The following RANBP9 variants were observed in gnomAD, a reference collection of about 807,000 sequenced individuals.
The protein encoded by RANBP9 is ran-binding protein 9.
In RANBP9, 15 loss-of-function variants were observed where a neutral mutation model predicts 84.3. The ratio of observed to expected loss-of-function variants is 0.18; its 90% confidence interval spans 0.12 to 0.27. RANBP9 has a LOEUF of 0.27. RANBP9 is among the 10% of genes least tolerant of loss of function. The probability of loss-of-function intolerance (pLI) is 1.00; values close to 1 mark genes in which losing one functional copy is unlikely to be tolerated. For synonymous variants in RANBP9, 392 were observed against 349.6 expected, an observed-to-expected ratio of 1.12 and a Z score of -1.35; for missense variants, 809 against 912.8, an observed-to-expected ratio of 0.89 and a Z score of 1.46.
intron 10 of RANBP9, 128 bp from the exon 11 acceptor site, chr6:13,634,680 A>C (rs927136926): frequency 6.4e-6 from 6 of 938,034 alleles, no homozygotes; most frequent in Non-Finnish European, 9.0e-6. Context: ...TCTGCAAAAA[A>C]GGTATTTAGT....
chr6:13,682,158 G>A (rs1188500780), intron 2 of RANBP9, among the ~76,000 whole-genome samples: 1 of 151,688 alleles, frequency 6.6e-6, no homozygotes, highest in African/African-American at 2.4e-5. Flanking sequence ...CACCGCACCT[G>A]GGCCAAGTGC....
intron 2 of RANBP9, among the ~76,000 whole-genome samples, chr6:13,694,148 C>A (rs921299152): frequency 6.6e-6 from 1 of 152,198 alleles, no homozygotes; most frequent in South Asian, 2.1e-4. Context: ...ATACACTTAA[C>A]TACAATCCAG....
chr6:13,669,298 C>A (rs556685458), intron 2 of RANBP9, among the ~76,000 whole-genome samples: 2 of 152,278 alleles, frequency 1.3e-5, no homozygotes, highest in East Asian at 3.9e-4. Context: ...AATAGCAATA[C>A]TCCCCAAATT....
chr6:13,661,025 CA>C (rs1336943294), intron 2 of RANBP9, among the ~76,000 whole-genome samples: 1 of 152,160 alleles, frequency 6.6e-6, no homozygotes, highest in Non-Finnish European at 1.5e-5. Context: ...TCTGGGTAAA[CA>C]AGGACTAAAA....
rs141234624 is a variant in RANBP9 at position 13,657,292 on chromosome 6, C to T, written c.737-16G>A. ...TTATCCCAACCTAAGGAGAAAGTTC[C>T]GGCATATTTACAATGAAAAGTAAGG... On this transcript the variant is annotated splice_polypyrimidine_tract_variant and intron_variant, in intron 3 of 13. Coordinates refer to ENST00000011619, the MANE Select transcript of RANBP9 (RefSeq NM_005493.3). 20 of 1,600,410 alleles carry T rather than the reference C, an allele frequency of 1.2e-5. No individual in the cohort carries two copies. Among genetic ancestry groups the T allele is most frequent in the African/African-American group, 5.4e-5 (4 of 74,610 alleles).
intron 10 of RANBP9, among the ~76,000 whole-genome samples, chr6:13,636,872 C>T (rs989684129): frequency 1.3e-5 from 2 of 152,020 alleles, no homozygotes; most frequent in African/African-American, 4.8e-5. Context: ...TTTTTTTTTA[C>T]ATACAATCCT....
chr6:13,697,058 A>G (rs1414450454), intron 1 of RANBP9, among the ~76,000 whole-genome samples, 162 bp from the exon 2 acceptor site: 2 of 152,226 alleles, frequency 1.3e-5, no homozygotes, highest in East Asian at 3.8e-4. Context: ...CATGAACCCA[A>G]TATGCAAAAT....
At chr6:13,627,859 C>T (rs1015332151) in intron 12 of RANBP9, among the ~76,000 whole-genome samples, 3 of 151,996 alleles carry the variant, frequency 2.0e-5, no homozygotes, top group African/African-American at 4.8e-5. Flanking sequence ...TGTGAAATGT[C>T]GCACTCCCAA....
In RANBP9 at chr6:13,711,082, C is replaced by A; in HGVS notation, c.424G>T (p.Glu142Ter). The stretch of plus-strand genomic sequence containing the variant: ...CGCCGCTGCAACTCCTTCTCCTGCT[C>A]GTTCAGGGCCGAGTCCCCGTGAGGG... ...PFPHGDSALNEQEKELQRRLK... is the reference protein window; with the variant it reads ...PFPHGDSALN Residue 142 changes from glutamate (E) to a stop codon, truncating the protein, a stop_gained, in exon 1 of 14, where the codon GAG becomes TAG. Coordinates refer to ENST00000011619, the MANE Select transcript of RANBP9 (RefSeq NM_005493.3). LOFTEE classifies it high-confidence loss of function. 6.3e-7 allele frequency: 1 copy of A among 1,575,876 alleles called. No homozygotes were observed. Among genetic ancestry groups the A allele is most frequent in the South Asian group, 1.2e-5 (1 of 86,592 alleles).
At chr6:13,652,294 T>C (rs1765315674) in intron 5 of RANBP9, among the ~76,000 whole-genome samples, 1 of 152,230 alleles carries the variant, frequency 6.6e-6, no homozygotes, top group South Asian at 2.1e-4. Context: ...CCAAGCACTT[T>C]ACCTGCCACA....
At chr6:13,692,547 A>AC (rs1766350354) in intron 2 of RANBP9, among the ~76,000 whole-genome samples, 4 of 147,130 alleles carry the variant, frequency 2.7e-5, no homozygotes, top group African/African-American at 5.0e-5. Flanking sequence ...AAAAAAAAAA[A>AC]AAAAAAACAC....
intron 1 of RANBP9, among the ~76,000 whole-genome samples, chr6:13,701,190 A>G (rs1388607276): frequency 1.3e-5 from 2 of 152,146 alleles, no homozygotes; most frequent in African/African-American, 4.8e-5. Context: ...CCATCATTCT[A>G]TCATATCCAA....
chr6:13,668,797 T>C (rs1765708704), intron 2 of RANBP9, among the ~76,000 whole-genome samples: 8 of 152,114 alleles, frequency 5.3e-5, no homozygotes, highest in Admixed American at 5.2e-4. Flanking sequence ...GGTAAAAGAC[T>C]GAATACTTTG....
chr6:13,710,847 G>C lies in RANBP9; in HGVS notation c.571+88C>G, dbSNP rs528960951. ...CCGAGGGCAGAGCCCGCGAGGGCGGGGGTCGGGGGCGGGTCGAGAGCGGCG... is the reference window on the plus strand; with the variant it reads ...CCGAGGGCAGAGCCCGCGAGGGCGGCGGTCGGGGGCGGGTCGAGAGCGGCG... On this transcript the variant is annotated intron_variant, in intron 1 of 13. Transcript: ENST00000011619. 3.5e-4 allele frequency: 481 copies of C among 1,389,028 alleles called. 2 individuals carry two copies. Among genetic ancestry groups the C allele is most frequent in the Admixed American group, 5.0e-4 (22 of 43,706 alleles). The allele number at this position is 1,389,028 out of a possible 1,614,324, so 86.0% of individuals were successfully genotyped here.
chr6:13,643,297 C>T (rs1031274922), intron 6 of RANBP9, among the ~76,000 whole-genome samples: 4 of 152,194 alleles, frequency 2.6e-5, no homozygotes, highest in African/African-American at 4.8e-5. Context: ...CATATACTTA[C>T]ATCTACCCAC....
chr6:13,650,545 T>C (rs1313055199), intron 5 of RANBP9, among the ~76,000 whole-genome samples: 1 of 152,154 alleles, frequency 6.6e-6, no homozygotes, highest in Non-Finnish European at 1.5e-5. Flanking sequence ...AGGAGCGATT[T>C]GTTAAAGAAT....
At chr6:13,680,081 A>T (rs1765994452) in intron 2 of RANBP9, among the ~76,000 whole-genome samples, 1 of 152,148 alleles carries the variant, frequency 6.6e-6, no homozygotes, top group Non-Finnish European at 1.5e-5. Context: ...AAGTTAGTCA[A>T]GTGTTACAGA....
chr6:13,659,244 A>C lies in RANBP9; in HGVS notation c.684-412T>G, dbSNP rs954722077. On this transcript the variant is annotated intron_variant, in intron 2 of 13. Coordinates refer to ENST00000011619, the MANE Select transcript of RANBP9 (RefSeq NM_005493.3). ...GGGACACAGTACAAATTTAGACCCC[A>C]CACACACACACATACACACACACAC... Among the ~76,000 whole-genome samples the C allele has an allele frequency of 1.6e-3, 173 of 105,420 alleles. 1 individual carries two copies. Among genetic ancestry groups the C allele is most frequent in the Middle Eastern group, 4.2e-3 (1 of 236 alleles). 69.2% of individuals were successfully genotyped at this position (105,420 alleles called of 152,430 possible).
chr6:13,708,840 C>G (rs1178905132), intron 1 of RANBP9, among the ~76,000 whole-genome samples: 1 of 151,942 alleles, frequency 6.6e-6, no homozygotes, highest in Admixed American at 6.6e-5. Context: ...CACACACACA[C>G]ACACACAGTC....
Sources: allele counts gnomAD v4.1 joint callset (sites outside exome capture counted in the v4.1 genomes callset), GRCh38; gene constraint gnomAD v4.1.1; transcripts MANE v1.5; gene names NCBI Gene and HGNC (gene_info 2026-07-23, HGNC 2026-07-21).